NECAB1: variants seen among roughly 807,000 people sequenced by gnomAD.
NECAB1 encodes the protein N-terminal EF-hand calcium-binding protein 1.
In NECAB1, 29 loss-of-function variants were observed where a neutral mutation model predicts 57.5. The observed-to-expected ratio is 0.50, with a 90% CI of 0.38 to 0.69. NECAB1 has a LOEUF of 0.69. Among genes scored for constraint, NECAB1 ranks in the 30% least tolerant of loss-of-function variants. The pLI, the probability that NECAB1 is intolerant of heterozygous loss-of-function variation, is 0.00. For synonymous variants in NECAB1, 142 were observed against 147.7 expected (o/e 0.96, Z 0.28); for missense variants, 372 against 413.8 (o/e 0.90, Z 0.88).
At chr8:90,798,687 T>A (rs1811707686) in intron 1 of NECAB1, among the ~76,000 whole-genome samples, 1 of 152,240 alleles carries the variant, frequency 6.6e-6, no homozygotes, top group Non-Finnish European at 1.5e-5. Context: ...ATTTTCTTTA[T>A]CCAATTGACC....
chr8:90,953,691 G>T (rs1403872322), intron 12 of NECAB1, among the ~76,000 whole-genome samples: 2 of 152,130 alleles, frequency 1.3e-5, no homozygotes, highest in Non-Finnish European at 2.9e-5. Flanking sequence ...TTATTTATGG[G>T]TTTTAATGGC....
At chr8:90,808,396 A>G (rs1036884921) in intron 2 of NECAB1, among the ~76,000 whole-genome samples, 5 of 151,978 alleles carry the variant, frequency 3.3e-5, no homozygotes, top group African/African-American at 1.2e-4. Context: ...ATAAGGGTTA[A>G]GCTTATGTAT....
chr8:90,827,086 A>G (rs1812237567), intron 3 of NECAB1, among the ~76,000 whole-genome samples: 1 of 152,040 alleles, frequency 6.6e-6, no homozygotes, highest in East Asian at 1.9e-4. Flanking sequence ...ATGTTGGCAC[A>G]GAAATTTTGG....
intron 12 of NECAB1, among the ~76,000 whole-genome samples, chr8:90,952,713 G>A (rs1469885454): frequency 6.6e-5 from 10 of 151,896 alleles, no homozygotes. Context: ...GGAGGCGGAG[G>A]GTTGCAGTGA....
At chr8:90,803,958 T>C (rs1157883065) in intron 2 of NECAB1, among the ~76,000 whole-genome samples, 1 of 152,160 alleles carries the variant, frequency 6.6e-6, no homozygotes, top group Non-Finnish European at 1.5e-5. Flanking sequence ...CTCAGCACAA[T>C]TGGACAAATT....
intron 3 of NECAB1, among the ~76,000 whole-genome samples, chr8:90,846,006 G>T (rs1365759402): frequency 6.6e-6 from 1 of 152,128 alleles, no homozygotes; most frequent in Non-Finnish European, 1.5e-5. Context: ...GTGCCACCTG[G>T]TACATCTTAA....
intron 9 of NECAB1, among the ~76,000 whole-genome samples, chr8:90,934,878 CAGA>C (rs1394652396): frequency 1.3e-5 from 2 of 152,036 alleles, no homozygotes; most frequent in African/African-American, 4.8e-5. Context: ...TTTTTGGAAA[CAGA>C]AGAAGAATGG....
intron 4 of NECAB1, among the ~76,000 whole-genome samples, chr8:90,877,563 G>T (rs1237628273): frequency 6.6e-6 from 1 of 152,180 alleles, no homozygotes; most frequent in East Asian, 1.9e-4. Context: ...ATCACCTGGG[G>T]GTCTTATTAA....
rs1422013059 is a variant in NECAB1, at chr8:90,917,622, AAG to A, written c.490_491del (p.Glu164LysfsTer37). Reference sequence around the variant, plus strand: ...GAAACTACTGAGGAGCAAACCCGTCAAGAAAGGCAATTTACATGTTTTCATCT... The same window carrying A: ...GAAACTACTGAGGAGCAAACCCGTCAAAAGGCAATTTACATGTTTTCATCT... On this transcript the variant is annotated frameshift_variant, in exon 6 of 13. Coordinates refer to ENST00000417640, the MANE Select transcript of NECAB1 (RefSeq NM_022351.5). LOFTEE classifies it high-confidence loss of function. The A allele has an allele frequency of 6.2e-7, 1 of 1,608,478 alleles. No individual in the cohort carries two copies. Among genetic ancestry groups the A allele is most frequent in the Non-Finnish European group, 8.5e-7 (1 of 1,177,056 alleles).
intron 4 of NECAB1, among the ~76,000 whole-genome samples, chr8:90,876,712 T>TGA: frequency 6.6e-6 from 1 of 152,262 alleles, no homozygotes; most frequent in Middle Eastern, 3.4e-3. Flanking sequence ...TGGATATCCA[T>TGA]GAGAATATAG....
At position 90,845,744 on chromosome 8, in the gene NECAB1, T is replaced by A. The variant is rs562357378; in HGVS notation, c.233+20919T>A. ...TTGAACTTGATTTTCAAAAAAACAA[T>A]GTTTTGAGACTTGTATTTTTTGCCT... On this transcript the variant is annotated intron_variant, in intron 3 of 12. Transcript: ENST00000417640. 9.9e-5 allele frequency among the ~76,000 whole-genome samples: 15 copies of A among 152,226 alleles called. No homozygotes were observed. In the East Asian group the frequency reaches 2.9e-3, roughly 29 times the overall value.
At chr8:90,931,796 TG>T (rs1331843909) in intron 8 of NECAB1, among the ~76,000 whole-genome samples, 2 of 151,820 alleles carry the variant, frequency 1.3e-5, no homozygotes, top group Non-Finnish European at 2.9e-5. Context: ...CCCAGCTACT[TG>T]GGAGGCTGAG....
At chr8:90,889,960 AGT>A (rs35492530) in intron 5 of NECAB1, among the ~76,000 whole-genome samples, 22 of 151,266 alleles carry the variant, frequency 1.5e-4, no homozygotes, top group East Asian at 7.8e-4. Flanking sequence ...TGTGTGTGTG[AGT>A]GTGTGTGTGT....
At chr8:90,868,419 T>C (rs1044119401) in intron 3 of NECAB1, among the ~76,000 whole-genome samples, 1 of 152,152 alleles carries the variant, frequency 6.6e-6, no homozygotes, top group African/African-American at 2.4e-5. Flanking sequence ...AAAGTGGGAC[T>C]TGTTAAATGG....
At position 90,917,880 on chromosome 8, in the gene NECAB1, G is replaced by C. The variant is rs543270304; in HGVS notation, c.494+252G>C. Among the ~76,000 whole-genome samples, 700 of 75,456 alleles carry C rather than the reference G, an allele frequency of 9.3e-3. 25 individuals are homozygous for C. The highest frequency in any genetic ancestry group is 0.011 in the Non-Finnish European group (453 of 41,604). The allele number at this position is 75,456 out of a possible 152,430, so 49.5% of individuals were successfully genotyped here. A position where few individuals can be genotyped will look rare whatever the true frequency, so the allele number is the denominator to read the frequency against. ...TATATATATATATATATGTGTGTGT[G>C]TGCGTGTATATATATGTCTGTGTGT... On this transcript the variant is annotated intron_variant, in intron 6 of 12. Transcript: ENST00000417640.
chr8:90,882,977 C>G (rs1481993947), intron 5 of NECAB1, among the ~76,000 whole-genome samples: 1 of 151,990 alleles, frequency 6.6e-6, no homozygotes, highest in African/African-American at 2.4e-5. Flanking sequence ...AAAATTGCTC[C>G]TAAGTTAATT....
chr8:90,949,667 G>C, intron 10 of NECAB1, 140 bp from the exon 11 acceptor site: 1 of 469,710 alleles, frequency 2.1e-6, no homozygotes, highest in Non-Finnish European at 3.8e-6. Context: ...TGACAAATCT[G>C]TTTGATTTTC....
At chr8:90,912,041 G>A (rs904901168) in intron 5 of NECAB1, among the ~76,000 whole-genome samples, 2 of 152,156 alleles carry the variant, frequency 1.3e-5, no homozygotes, top group African/African-American at 4.8e-5. Context: ...ACGTAAGTGT[G>A]ACTGTCTTCA....
At chr8:90,912,882 AT>A (rs1007877846) in intron 5 of NECAB1, among the ~76,000 whole-genome samples, 2 of 151,476 alleles carry the variant, frequency 1.3e-5, no homozygotes, top group African/African-American at 2.4e-5. Context: ...TTGTAAAGTT[AT>A]TTTTTTTTCT....
Sources: allele counts gnomAD v4.1 joint callset (sites outside exome capture counted in the v4.1 genomes callset), GRCh38; gene constraint gnomAD v4.1.1; transcripts MANE v1.5; gene names NCBI Gene and HGNC (gene_info 2026-07-23, HGNC 2026-07-21).